SOS2: variants seen among roughly 807,000 people sequenced by gnomAD.
SOS2 encodes SOS Ras/Rho guanine nucleotide exchange factor 2, also known as son of sevenless homolog 2.
In SOS2, 65 loss-of-function variants were observed where a neutral mutation model predicts 148.2. The observed-to-expected ratio is 0.44, with a 90% confidence interval of 0.36 to 0.54. SOS2 has a LOEUF of 0.54. Ranked by LOEUF, SOS2 falls within the 20% of genes least tolerant of loss-of-function variation. The pLI is 0.00. For synonymous variants in SOS2, 539 were observed against 537.1 expected, an observed-to-expected ratio of 1.00 and a Z score of -0.05; for missense variants, 1,341 against 1,590.2, an observed-to-expected ratio of 0.84 and a Z score of 2.67.
intron 1 of SOS2, among the ~76,000 whole-genome samples, chr14:50,217,377 G>C (rs1289758661): frequency 1.3e-5 from 2 of 152,054 alleles, no homozygotes. Context: ...ATGAGTCATA[G>C]ATATAAATAT....
At chr14:50,215,440 G>A (rs1280283388) in intron 1 of SOS2, 16 of 1,269,206 alleles carry the variant, frequency 1.3e-5, no homozygotes, top group Admixed American at 1.2e-4. Flanking sequence ...CTTCTACAGA[G>A]ACAGTAAACA....
At chr14:50,169,740 C>T (rs1365012489) in intron 8 of SOS2, among the ~76,000 whole-genome samples, 1 of 151,946 alleles carries the variant, frequency 6.6e-6, no homozygotes, top group East Asian at 1.9e-4. Context: ...TGCCATGCAA[C>T]AATTTATATT....
Position 50,199,680 on chromosome 14 carries a change from G to C in SOS2, c.510+11C>G. The C allele has an allele frequency of 6.5e-7, 1 of 1,543,774 alleles. No individual in the cohort carries two copies. The highest frequency in any genetic ancestry group is 1.2e-5 in the South Asian group (1 of 83,778). ...TATTCAAGTTAAATTTAAATACCTT[G>C]TAACACTTACCTTATCCGCACACAT... On this transcript the variant is annotated intron_variant, in intron 4 of 22. Coordinates refer to ENST00000216373, the MANE Select transcript of SOS2 (RefSeq NM_006939.4).
intron 13 of SOS2, 62 bp downstream of exon 13, chr14:50,153,008 C>A (rs928352102): frequency 3.9e-6 from 3 of 778,754 alleles, no homozygotes; most frequent in African/African-American, 3.6e-5. Flanking sequence ...CTTAAAGTCA[C>A]ACAAATTTGA....
At chr14:50,189,175 GA>G (rs1429774632) in intron 4 of SOS2, among the ~76,000 whole-genome samples, 3 of 147,766 alleles carry the variant, frequency 2.0e-5, no homozygotes, top group Non-Finnish European at 1.5e-5. Flanking sequence ...AGAATAAAAG[GA>G]AAAAAAGTTG....
chr14:50,231,113 C>T (rs892555660), intron 1 of SOS2, 84 bp downstream of exon 1: 7 of 822,096 alleles, frequency 8.5e-6, no homozygotes, highest in Non-Finnish European at 1.2e-5. Context: ...GGGACTCGAG[C>T]CCTGTGGGAG....
At position 50,145,615 on chromosome 14, in the gene SOS2, G is replaced by A. The variant is rs1464233285; in HGVS notation, c.2385-19C>T. Reference sequence around the variant, plus strand: ...AACTTTCCTATGGAATTGAAAATCAGTGCAACTTAACCTATAAAGGATTTG... The same window carrying A: ...AACTTTCCTATGGAATTGAAAATCAATGCAACTTAACCTATAAAGGATTTG... On this transcript the variant is annotated intron_variant, in intron 14 of 22. Coordinates refer to ENST00000216373, the MANE Select transcript of SOS2 (RefSeq NM_006939.4). The A allele has an allele frequency of 2.6e-6, 4 of 1,520,092 alleles. No homozygotes were observed. The African/African-American group carries it at 5.6e-5, about 21-fold the overall frequency. 94.2% of individuals were successfully genotyped at this position (1,520,092 alleles called of 1,614,324 possible).
At position 50,117,623 on chromosome 14, in the gene SOS2, A is replaced by C. The variant is rs764921001; in HGVS notation, c.*721T>G. 1.3e-5 allele frequency: 2 copies of C among 152,248 alleles called. No homozygotes were observed. 9.4% of individuals were successfully genotyped at this position (152,248 alleles called of 1,614,324 possible). On this transcript the variant is annotated 3_prime_UTR_variant, in exon 23 of 23. Transcript: ENST00000216373. ...ATACATGGCATATTAACTGTTTTCC[A>C]TAACAATAGGCAATTCATTAGCTAA...
At chr14:50,140,303 A>C (rs1353951565) in intron 16 of SOS2, among the ~76,000 whole-genome samples, 2 of 152,204 alleles carry the variant, frequency 1.3e-5, no homozygotes, top group Non-Finnish European at 2.9e-5. Flanking sequence ...ATTCTACGTC[A>C]TGCCTTGTGC....
chr14:50,200,523 A>C (rs889621235), intron 3 of SOS2, among the ~76,000 whole-genome samples: 2 of 152,266 alleles, frequency 1.3e-5, no homozygotes, highest in South Asian at 4.1e-4. Flanking sequence ...GGAATTAGTC[A>C]GAGTAGCAGT....
At chr14:50,219,111 C>CAAA (rs146392357) in intron 1 of SOS2, among the ~76,000 whole-genome samples, 1 of 138,696 alleles carries the variant, frequency 7.2e-6, no homozygotes. Flanking sequence ...GATTTCGTCT[C>CAAA]AAAAAAAAAA....
intron 8 of SOS2, among the ~76,000 whole-genome samples, chr14:50,168,111 C>T (rs1885226215): frequency 6.6e-6 from 1 of 152,130 alleles, no homozygotes; most frequent in African/African-American, 2.4e-5. Flanking sequence ...CTTTCCATTA[C>T]TAAATTTCCA....
In SOS2 at chr14:50,182,211, G is replaced by T. The variant is rs72681864; in HGVS notation, c.858+252C>A. ...AAAGAATATCTTACAAAAAAATTTT[G>T]TTTTTTGGAGACAGGGTCTCACTCT... is the stretch of plus-strand genomic sequence containing the variant. On this transcript the variant is annotated intron_variant, in intron 6 of 22. Transcript: ENST00000216373. 0.072 allele frequency among the ~76,000 whole-genome samples: 10,908 copies of T among 151,856 alleles called. 485 individuals carry two copies. Among genetic ancestry groups the T allele is most frequent in the South Asian group, 0.21 (993 of 4,806 alleles).
intron 1 of SOS2, among the ~76,000 whole-genome samples, chr14:50,213,989 G>A (rs1048818477): frequency 6.6e-6 from 1 of 151,706 alleles, no homozygotes; most frequent in Non-Finnish European, 1.5e-5. Flanking sequence ...ACATGAAATA[G>A]CAATATAAGC....
At chr14:50,169,290 T>C (rs1885280731) in intron 8 of SOS2, among the ~76,000 whole-genome samples, 1 of 151,494 alleles carries the variant, frequency 6.6e-6, no homozygotes, top group African/African-American at 2.4e-5. Context: ...CACTCCAGCC[T>C]GGGCGACAGA....
chr14:50,195,119 G>C (rs775973210), intron 4 of SOS2, among the ~76,000 whole-genome samples: 2 of 152,110 alleles, frequency 1.3e-5, no homozygotes, highest in Admixed American at 6.6e-5. Context: ...ACAAGCACAA[G>C]TTGGAGAAAT....
At chr14:50,230,085 AT>A (rs1887494579) in intron 1 of SOS2, among the ~76,000 whole-genome samples, 1 of 152,228 alleles carries the variant, frequency 6.6e-6, no homozygotes, top group African/African-American at 2.4e-5. Flanking sequence ...GAGGAAAGCA[AT>A]ACTTCCTTGT....
At chr14:50,183,297 A>C (rs1043619643) in intron 5 of SOS2, among the ~76,000 whole-genome samples, 6 of 152,186 alleles carry the variant, frequency 3.9e-5, no homozygotes, top group African/African-American at 9.7e-5. Context: ...TCTTGATGTT[A>C]ATATATTAAA....
rs1883344933 is a variant in SOS2 at position 50,117,978 on chromosome 14, G to A, written c.*366C>T. Reference sequence around the variant, plus strand: ...CCTCCCATATTTGTGTAAATTCACTGCCTTAAAAAGGCATCTATTACTCAA... The same window carrying A: ...CCTCCCATATTTGTGTAAATTCACTACCTTAAAAAGGCATCTATTACTCAA... On this transcript the variant is annotated 3_prime_UTR_variant, in exon 23 of 23. Coordinates refer to ENST00000216373, the MANE Select transcript of SOS2 (RefSeq NM_006939.4). The A allele has an allele frequency of 2.3e-5, 4 of 176,952 alleles. No individual in the cohort carries two copies. The highest frequency in any genetic ancestry group is 4.8e-5 in the Non-Finnish European group (4 of 83,556). The allele number at this position is 176,952 out of a possible 1,614,324, so 11.0% of individuals were successfully genotyped here. A position where few individuals can be genotyped will look rare whatever the true frequency, so the allele number is the denominator to read the frequency against.
Sources: gnomAD v4.1 joint callset for allele counts (sites outside exome capture counted in the v4.1 genomes callset) on GRCh38, gnomAD v4.1.1 for gene constraint, MANE v1.5 for transcripts, NCBI Gene and HGNC (gene_info 2026-07-23, HGNC 2026-07-21) for gene names.